The following ANKRD61 variants were observed in gnomAD, a reference collection of about 807,000 sequenced individuals.
ANKRD61 encodes the protein ankyrin repeat domain-containing protein 61.
Under a neutral mutation model 8.4 loss-of-function variants are expected in ANKRD61, and 7 were observed. That is an observed-to-expected ratio of 0.84 (90% CI 0.48 to 1.57). The LOEUF (loss-of-function observed/expected upper bound fraction) is 1.57. Ranked by LOEUF, ANKRD61 falls within the 40% of genes most tolerant of loss-of-function variation. The probability of loss-of-function intolerance (pLI) is 0.00; values close to 1 mark genes in which losing one functional copy is unlikely to be tolerated. For missense variants in ANKRD61, 516 were observed against 523.4 expected (o/e 0.99, Z 0.14); for synonymous variants, 198 against 208.0 (o/e 0.95, Z 0.41).
intron 1 of ANKRD61, 109 bp downstream of exon 1, chr7:6,031,700 G>C: frequency 1.6e-3 from 1,486 of 918,928 alleles, no homozygotes; most frequent in Non-Finnish European, 1.9e-3. Flanking sequence ...ATGAGAATGA[G>C]ACACGACTCC....
rs898835586 is a variant in ANKRD61 at position 6,031,406 on chromosome 7, G to C, written c.31G>C (p.Asp11His). MGNITRKGSRDLVVDSAKSLE... is the reference protein window; with the variant it reads MGNITRKGSRHLVVDSAKSLE... ...GAATATAACCAGGAAAGGAAGCAGA[G>C]ACCTGGTGGTTGACAGTGCCAAGTC... Residue 11 changes from aspartate (D) to histidine (H), a missense_variant, in exon 1 of 3, where the codon GAC becomes CAC. Physicochemically the swap from Asp to His is moderately conservative, Grantham distance 81. Coordinates refer to ENST00000409061, the MANE Select transcript of ANKRD61 (RefSeq NM_001271700.2). 6 of 1,550,760 alleles carry C rather than the reference G, an allele frequency of 3.9e-6. No homozygotes were observed. The South Asian group carries it at 7.1e-5, about 18-fold the overall frequency.
Position 6,036,371 on chromosome 7 carries a change from G to A in ANKRD61, c.1242G>A (p.Leu414=). 1 of 1,479,814 alleles carries A rather than the reference G, an allele frequency of 6.8e-7. No individual in the cohort carries two copies. The highest frequency in any genetic ancestry group is 9.0e-7 in the Non-Finnish European group (1 of 1,115,982). 91.7% of individuals were successfully genotyped at this position (1,479,814 alleles called of 1,614,324 possible). ...ATTCTGTCTACTGCTGTTATGACTTGGCATATACCTCTTGAAATAAGACCT... is the reference window on the plus strand; with the variant it reads ...ATTCTGTCTACTGCTGTTATGACTTAGCATATACCTCTTGAAATAAGACCT... ...IWNSVYCCYD[L]AYTS Residue 414 remains leucine, a synonymous_variant, in exon 3 of 3, where the codon TTG becomes TTA. Transcript: ENST00000409061. This position sits in a 1 kb window ranked among gnomAD's most constrained non-coding sequence, Gnocchi z 4.6.
At chr7:6,031,928 C>T (rs540136152) in intron 1 of ANKRD61, among the ~76,000 whole-genome samples, 41 of 152,324 alleles carry the variant, frequency 2.7e-4, no homozygotes, top group African/African-American at 9.4e-4. Context: ...AATCCCAGCA[C>T]TTTGGAAGGC....
chr7:6,032,965 T>C lies in ANKRD61; in HGVS notation c.314+29T>C, dbSNP rs1405410457. On this transcript the variant is annotated intron_variant, in intron 2 of 2. Transcript: ENST00000409061. This position sits in a 1 kb window ranked among gnomAD's most constrained non-coding sequence, Gnocchi z 4.3. The stretch of plus-strand genomic sequence containing the variant: ...AGTTAACTCCACCGAAAATCATTTC[T>C]TTTTTTTTCTTTTTTGTTTTGAGGC... The C allele has an allele frequency of 2.0e-6, 3 of 1,505,954 alleles. No homozygotes were observed. 93.3% of individuals were successfully genotyped at this position (1,505,954 alleles called of 1,614,324 possible). A position where few individuals can be genotyped will look rare whatever the true frequency, so the allele number is the denominator to read the frequency against.
At chr7:6,034,564 T>C (rs1461344968) in intron 2 of ANKRD61, among the ~76,000 whole-genome samples, 1 of 152,188 alleles carries the variant, frequency 6.6e-6, no homozygotes, top group African/African-American at 2.4e-5. Context: ...CACTATTTAC[T>C]GAGCTGTTTC....
In ANKRD61 at chr7:6,035,897, G is replaced by A. The variant is rs752241633; in HGVS notation, c.768G>A (p.Ala256=). Residue 256 remains alanine, a synonymous_variant, in exon 3 of 3, where the codon GCG becomes GCA. Transcript: ENST00000409061. The surrounding 1 kb of genome is among the most constrained non-coding windows in gnomAD (Gnocchi z 5.5). ...ASSKAGRLLG[A]GVSCIRLLLT... ...GCAAAGCAGGCCGACTCCTCGGGGC[G>A]GGGGTCAGCTGCATCCGTCTGCTAC... 2.1e-4 allele frequency: 330 copies of A among 1,546,512 alleles called. No individual in the cohort carries two copies. Among genetic ancestry groups the A allele is most frequent in the Non-Finnish European group, 2.7e-4 (304 of 1,144,510 alleles).
In ANKRD61 at chr7:6,033,772, T is replaced by C. The variant is rs577794431; in HGVS notation, c.314+836T>C. ...TTTTAGTAGAGATGGGGTTTCACCA[T>C]GTTAGCCAGGATAGTCTCAATCTCC... On this transcript the variant is annotated intron_variant, in intron 2 of 2. Coordinates refer to ENST00000409061, the MANE Select transcript of ANKRD61 (RefSeq NM_001271700.2). This position sits in a 1 kb window ranked among gnomAD's most constrained non-coding sequence, Gnocchi z 4.4. 7.6e-4 allele frequency among the ~76,000 whole-genome samples: 116 copies of C among 151,928 alleles called. No homozygotes were observed. The highest frequency in any genetic ancestry group is 1.5e-3 in the Non-Finnish European group (104 of 67,920).
chr7:6,031,768 T>C (rs1275489618), intron 1 of ANKRD61, among the ~76,000 whole-genome samples, 177 bp downstream of exon 1: 1 of 152,108 alleles, frequency 6.6e-6, no homozygotes, highest in East Asian at 1.9e-4. Context: ...CCCCTACACA[T>C]GTCACACACA....
Position 6,035,892 on chromosome 7 carries a change from G to C in ANKRD61, c.763G>C (p.Gly255Arg). The C allele has an allele frequency of 1.3e-6, 2 of 1,546,542 alleles. No individual in the cohort carries two copies. The highest frequency in any genetic ancestry group is 1.7e-6 in the Non-Finnish European group (2 of 1,144,490). The change falls in exon 3 of 3, where the codon GGG (glycine) becomes CGG (arginine). Residue 255 changes from glycine to arginine, a missense_variant. Transcript: ENST00000409061. The surrounding 1 kb of genome is among the most constrained non-coding windows in gnomAD (Gnocchi z 5.5). ...ATCAAGCAAAGCAGGCCGACTCCTCGGGGCGGGGGTCAGCTGCATCCGTCT... is the reference window on the plus strand; with the variant it reads ...ATCAAGCAAAGCAGGCCGACTCCTCCGGGCGGGGGTCAGCTGCATCCGTCT... ...TASSKAGRLLGAGVSCIRLLL... is the reference protein window; with the variant it reads ...TASSKAGRLLRAGVSCIRLLL...
Position 6,036,108 on chromosome 7 carries a change from G to T in ANKRD61, c.979G>T (p.Asp327Tyr), listed in dbSNP as rs747991680. The part of the protein sequence containing the change: ...MYLQRSCNVR[D>Y]TALLARLLYH... ...CCTTCAGCGCAGTTGCAATGTAAGA[G>T]ATACGGCACTTCTGGCCAGGCTACT... is the stretch of plus-strand genomic sequence containing the variant. Residue 327 changes from aspartate to tyrosine, a missense_variant, in exon 3 of 3, where the codon GAT becomes TAT. Coordinates refer to ENST00000409061, the MANE Select transcript of ANKRD61 (RefSeq NM_001271700.2). This position sits in a 1 kb window ranked among gnomAD's most constrained non-coding sequence, Gnocchi z 4.6. 1.5e-5 allele frequency: 23 copies of T among 1,550,680 alleles called. No homozygotes were observed. The highest frequency in any genetic ancestry group is 2.6e-6 in the Non-Finnish European group (3 of 1,147,088).
Position 6,031,547 on chromosome 7 carries a change from A to G in ANKRD61, c.172A>G (p.Thr58Ala). 6.4e-7 allele frequency: 1 copy of G among 1,550,708 alleles called. No individual in the cohort carries two copies. Among genetic ancestry groups the G allele is most frequent in the Non-Finnish European group, 8.7e-7 (1 of 1,146,986 alleles). ...AAATCACCCTGTCAACCAGCCCATC[A>G]CCATTCTGCCCAACTCCGCCAGCAA... ...LRNHPVNQPI[T>A]ILPNSASNRL... The change falls in exon 1 of 3, where the codon ACC becomes GCC. Residue 58 changes from threonine (T) to alanine (A), a missense_variant. Thr to Ala is a moderately conservative substitution (Grantham distance 58, BLOSUM62 0). Transcript: ENST00000409061.
At position 6,032,755 on chromosome 7, in the gene ANKRD61, T is replaced by C. The variant is rs187788384; in HGVS notation, c.217-84T>C. ...GCCAATGAGACACTAAATAAATGTA[T>C]TGCCTTTGAAACGGCAAGCTAACAC... On this transcript the variant is annotated intron_variant, in intron 1 of 2. Transcript: ENST00000409061. This position sits in a 1 kb window ranked among gnomAD's most constrained non-coding sequence, Gnocchi z 4.3. The C allele has an allele frequency of 8.0e-4, 905 of 1,130,364 alleles. 5 individuals are homozygous for C. Among genetic ancestry groups the C allele is most frequent in the South Asian group, 1.1e-3 (78 of 71,280 alleles). The allele number at this position is 1,130,364 out of a possible 1,614,324, so 70.0% of individuals were successfully genotyped here.
At chr7:6,031,632 G>C (rs1210957083) in intron 1 of ANKRD61, 41 bp downstream of exon 1, 1 of 1,541,690 alleles carries the variant, frequency 6.5e-7, no homozygotes, top group Non-Finnish European at 8.8e-7. Flanking sequence ...AAAAAAGTCA[G>C]GCTGCTTAGA....
At chr7:6,031,615 C>G in intron 1 of ANKRD61, 24 bp downstream of exon 1, 1 of 1,548,692 alleles carries the variant, frequency 6.5e-7, no homozygotes, top group East Asian at 2.4e-5. Flanking sequence ...TGCTCAGTCA[C>G]TTCTGGAAAA....
In ANKRD61 at chr7:6,036,421, T is replaced by A; in HGVS notation, c.*35T>A. The A allele has an allele frequency of 7.1e-7, 1 of 1,413,118 alleles. No homozygotes were observed. Among genetic ancestry groups the A allele is most frequent in the Non-Finnish European group, 9.3e-7 (1 of 1,079,588 alleles). The allele number at this position is 1,413,118 out of a possible 1,614,324, so 87.5% of individuals were successfully genotyped here. On this transcript the variant is annotated 3_prime_UTR_variant, in exon 3 of 3. Coordinates refer to ENST00000409061, the MANE Select transcript of ANKRD61 (RefSeq NM_001271700.2). This position sits in a 1 kb window ranked among gnomAD's most constrained non-coding sequence, Gnocchi z 4.6. The stretch of plus-strand genomic sequence containing the variant: ...TCCCAGTTTCACAGCAGAGGGACTT[T>A]CAGCCACTCAAACTGCATTTTCTGG...
chr7:6,032,822 T>C lies in ANKRD61; in HGVS notation c.217-17T>C, dbSNP rs1787954919. ...TACACAGGGCCACTTGTAATGTGTTTTGTTTTCCCTCCAAAGCCGACAGAG... is the reference window on the plus strand; with the variant it reads ...TACACAGGGCCACTTGTAATGTGTTCTGTTTTCCCTCCAAAGCCGACAGAG... On this transcript the variant is annotated splice_polypyrimidine_tract_variant and intron_variant, in intron 1 of 2. Coordinates refer to ENST00000409061, the MANE Select transcript of ANKRD61 (RefSeq NM_001271700.2). The surrounding 1 kb of genome is among the most constrained non-coding windows in gnomAD (Gnocchi z 4.3). 1.3e-6 allele frequency: 2 copies of C among 1,545,512 alleles called. No individual in the cohort carries two copies. Among genetic ancestry groups the C allele is most frequent in the Admixed American group, 3.9e-5 (2 of 50,944 alleles).
chr7:6,033,265 C>T lies in ANKRD61; in HGVS notation c.314+329C>T, dbSNP rs1477090037. 3.3e-5 allele frequency among the ~76,000 whole-genome samples: 5 copies of T among 152,092 alleles called. No homozygotes were observed. The highest frequency in any genetic ancestry group is 7.4e-5 in the Non-Finnish European group (5 of 68,002). On this transcript the variant is annotated intron_variant, in intron 2 of 2. Transcript: ENST00000409061. The surrounding 1 kb of genome is among the most constrained non-coding windows in gnomAD (Gnocchi z 4.4). ...ATTAACAGCCCTCAGCCACAGCACC[C>T]AGCTTCACTGACAATCATTTCTAAG...
Position 6,034,514 on chromosome 7 carries a change from A to T in ANKRD61, c.315-930A>T, listed in dbSNP as rs528771953. ...TCCTACCCTGCATACTGCATGCACT[A>T]TGTGAGGCTTCTGCACCTCTCTAGA... On this transcript the variant is annotated intron_variant, in intron 2 of 2. Transcript: ENST00000409061. Among the ~76,000 whole-genome samples the T allele has an allele frequency of 2.6e-5, 4 of 151,984 alleles. No individual in the cohort carries two copies. In the South Asian group the frequency reaches 8.3e-4, roughly 32 times the overall value.
chr7:6,032,931 A>C lies in ANKRD61; in HGVS notation c.309A>C (p.Glu103Asp), dbSNP rs1787959211. 6.5e-7 allele frequency: 1 copy of C among 1,549,858 alleles called. No individual in the cohort carries two copies. ...TGTTACGGCACGGTGCTGACCCAGA[A>C]GTCAGGTAAGTTAACTCCACCGAAA... ...LCLLRHGADP[E>D]VRDTTGLTTL... The change falls in exon 2 of 3, where the codon GAA becomes GAC. Residue 103 changes from glutamate (E) to aspartate (D), a missense_variant. Physicochemically the swap from Glu to Asp is conservative, Grantham distance 45 (BLOSUM62 2). Transcript: ENST00000409061. This position sits in a 1 kb window ranked among gnomAD's most constrained non-coding sequence, Gnocchi z 4.3.
Sources: allele counts gnomAD v4.1 joint callset (sites outside exome capture counted in the v4.1 genomes callset), GRCh38; gene constraint gnomAD v4.1.1; non-coding constraint Gnocchi (gnomAD v3.1); transcripts MANE v1.5; gene names NCBI Gene and HGNC (gene_info 2026-07-23, HGNC 2026-07-21).